MYO15B: variants seen among roughly 807,000 people sequenced by gnomAD.
MYO15B encodes myosin XVB pseudogene.
MYO15B carries 207 observed loss-of-function variants against 119.3 expected under a neutral mutation model. The observed-to-expected ratio is 1.73, with a 90% confidence interval of 1.55 to 1.95. The LOEUF is 1.95. MYO15B is among the 30% of genes most tolerant of loss of function. The pLI is 0.00. For missense variants in MYO15B, 2,264 were observed against 1,203.1 expected (o/e 1.88, Z -13.04); for synonymous variants, 966 against 498.9 (o/e 1.94, Z -12.48).
chr17:75,602,755 A>C lies in MYO15B; in HGVS notation c.3730-75A>C, dbSNP rs1032655341. 5.0e-6 allele frequency: 3 copies of C among 604,370 alleles called. No individual in the cohort carries two copies. In the African/African-American group the frequency reaches 5.6e-5, roughly 11 times the overall value. 37.4% of individuals were successfully genotyped at this position (604,370 alleles called of 1,614,324 possible). On this transcript the variant is annotated intron_variant, in intron 16 of 63. Transcript: ENST00000645453. ...GGGTCTGGATGCCGAGGGCTGGTCCATTCTGGCTCTCCCGGGCTGCAGGGT... is the reference window on the plus strand; with the variant it reads ...GGGTCTGGATGCCGAGGGCTGGTCCCTTCTGGCTCTCCCGGGCTGCAGGGT...
chr17:75,619,769 C>T, exon 46 of MYO15B: 2 of 702,940 alleles, frequency 2.8e-6, no homozygotes, highest in Non-Finnish European at 5.2e-6. Context: ...GGCCTCCGCC[C>T]CGACCAGCTG....
At chr17:75,613,309 G>A in exon 28 of MYO15B, 1 of 670,652 alleles carries the variant, frequency 1.5e-6, no homozygotes. Flanking sequence ...GTCTGACCAG[G>A]CCCCCAGGGG....
chr17:75,591,741 G>T, intron 5 of MYO15B, 29 bp downstream of exon 5: 1 of 702,808 alleles, frequency 1.4e-6, no homozygotes, highest in Non-Finnish European at 2.6e-6. Context: ...GTACCTCATG[G>T]GTTGAGCTGG....
chr17:75,591,843 C>T (rs1201410236), intron 5 of MYO15B, 131 bp downstream of exon 5: 1 of 671,462 alleles, frequency 1.5e-6, no homozygotes. Flanking sequence ...AGGCCTCTGG[C>T]GTCTCCTGGG....
chr17:75,598,547 G>A (rs28414622), intron 14 of MYO15B, among the ~76,000 whole-genome samples: 12,026 of 126,722 alleles, frequency 0.095, 618 homozygotes, highest in African/African-American at 0.15. Context: ...AAAAAAAAAA[G>A]AAAATGAAAG....
At chr17:75,598,513 G>T (rs943370289) in intron 14 of MYO15B, among the ~76,000 whole-genome samples, 1 of 130,072 alleles carries the variant, frequency 7.7e-6, no homozygotes, top group Non-Finnish European at 1.6e-5. Context: ...GGGCGACAGA[G>T]CGAGACTCCA....
At chr17:75,626,742 T>G (rs985151900) in exon 64 of MYO15B, 18 of 560,302 alleles carry the variant, frequency 3.2e-5, no homozygotes, top group Non-Finnish European at 5.4e-5. Context: ...GGTTGCCCAG[T>G]CTGAGGGAGA....
At chr17:75,595,396 G>T (rs1279160769) in intron 12 of MYO15B, among the ~76,000 whole-genome samples, 1 of 152,144 alleles carries the variant, frequency 6.6e-6, no homozygotes, top group Non-Finnish European at 1.5e-5. Context: ...CCCAGCCCTG[G>T]CCCGTGCTGT....
Position 75,611,587 on chromosome 17 carries a change from G to A in MYO15B, c.4447-14G>A, listed in dbSNP as rs2058032755. ...CCTCCTGTGGATCCTGGGTAAATGA[G>A]TCCCCTCTGCCAGGAGCTGGGGCGC... On this transcript the variant is annotated splice_polypyrimidine_tract_variant and intron_variant, in intron 23 of 63. Coordinates refer to ENST00000645453, the Ensembl canonical transcript of MYO15B. The A allele has an allele frequency of 1.4e-6, 1 of 702,678 alleles. No individual in the cohort carries two copies. The allele number at this position is 702,678 out of a possible 1,614,324, so 43.5% of individuals were successfully genotyped here. A position where few individuals can be genotyped will look rare whatever the true frequency, so the allele number is the denominator to read the frequency against.
At chr17:75,595,064 C>A in intron 12 of MYO15B, 92 bp downstream of exon 12, 1 of 661,716 alleles carries the variant, frequency 1.5e-6, no homozygotes, top group South Asian at 1.7e-5. Context: ...TCCCTGGGGG[C>A]ACTCGCGAGG....
chr17:75,615,380 G>A (rs1294853045), intron 34 of MYO15B, 42 bp downstream of exon 34: 2 of 694,790 alleles, frequency 2.9e-6, no homozygotes, highest in Non-Finnish European at 5.3e-6. Flanking sequence ...TCTCAGGAGA[G>A]CAGCCACCAG....
intron 12 of MYO15B, 76 bp downstream of exon 12, chr17:75,595,048 C>T: frequency 1.5e-6 from 1 of 679,296 alleles, no homozygotes; most frequent in East Asian, 2.7e-5. Context: ...CCCACAGCTC[C>T]AGCTCTCCCT....
intron 12 of MYO15B, among the ~76,000 whole-genome samples, chr17:75,595,270 C>T (rs895423100): frequency 5.2e-4 from 79 of 152,188 alleles, no homozygotes; most frequent in African/African-American, 1.9e-3. Context: ...ATGCCCCTCA[C>T]CCCACACCCA....
At chr17:75,597,416 C>A (rs1000285813) in intron 14 of MYO15B, among the ~76,000 whole-genome samples, 1 of 152,376 alleles carries the variant, frequency 6.6e-6, no homozygotes, top group Admixed American at 6.5e-5. Flanking sequence ...AGCGTCTATT[C>A]ATTCACTGAC....
At chr17:75,595,020 C>T (rs56139139) in intron 12 of MYO15B, 48 bp downstream of exon 12, 13,316 of 694,444 alleles carry the variant, frequency 0.019, 1,049 homozygotes, top group African/African-American at 0.18. Flanking sequence ...CATATAATTC[C>T]GATGGATTTC....
exon 38 of MYO15B, chr17:75,616,405 A>G: frequency 1.6e-6 from 1 of 625,178 alleles, no homozygotes; most frequent in Non-Finnish European, 2.9e-6. Context: ...GAGGAGGAGG[A>G]GGAGGAGGAG....
chr17:75,624,324 C>G, intron 56 of MYO15B, 46 bp from the exon 57 acceptor site: 1 of 702,814 alleles, frequency 1.4e-6, no homozygotes, highest in East Asian at 2.7e-5. Context: ...GGAGTGTCTC[C>G]TACAGGAGAC....
chr17:75,608,983 C>T (rs185111159), intron 21 of MYO15B, among the ~76,000 whole-genome samples: 178 of 152,202 alleles, frequency 1.2e-3, no homozygotes, highest in African/African-American at 3.6e-3. Flanking sequence ...CTGCCCGCCT[C>T]GGTCTCCCAA....
chr17:75,593,773 G>C (rs2056646211), intron 9 of MYO15B, among the ~76,000 whole-genome samples: 1 of 151,776 alleles, frequency 6.6e-6, no homozygotes, highest in Non-Finnish European at 1.5e-5. Context: ...TACAAAATTA[G>C]CCAGGTGTGG....
Sources: gnomAD v4.1 joint callset for allele counts (sites outside exome capture counted in the v4.1 genomes callset) on GRCh38, gnomAD v4.1.1 for gene constraint, MANE v1.5 for transcripts, NCBI Gene and HGNC (gene_info 2026-07-23, HGNC 2026-07-21) for gene names.